Variants in FBN3 observed in about 807,000 individuals in gnomAD.
The protein encoded by FBN3 is fibrillin-3.
Under a neutral mutation model 330.1 loss-of-function variants are expected in FBN3, and 234 were observed. The observed-to-expected ratio is 0.71, with a 90% CI of 0.64 to 0.79. The LOEUF is 0.79. Among genes scored for constraint, FBN3 ranks in the 30% least tolerant of loss-of-function variants. The probability of loss-of-function intolerance (pLI) is 0.00; values close to 1 mark genes in which losing one functional copy is unlikely to be tolerated. For missense variants in FBN3, 3,606 were observed against 3,886.9 expected (o/e 0.93, Z 1.92); for synonymous variants, 1,458 against 1,517.3 (o/e 0.96, Z 0.91).
chr19:8,101,551 C>T (rs543628419), intron 40 of FBN3, among the ~76,000 whole-genome samples: 1 of 152,306 alleles, frequency 6.6e-6, no homozygotes, highest in East Asian at 1.9e-4. Flanking sequence ...CATCAGGGTC[C>T]CAATCTTGGC....
intron 10 of FBN3, among the ~76,000 whole-genome samples, chr19:8,137,391 C>G (rs1479381725): frequency 6.6e-6 from 1 of 151,664 alleles, no homozygotes; most frequent in African/African-American, 2.4e-5. Flanking sequence ...AACCTGGAGC[C>G]TAGATCCCTC....
At chr19:8,118,824 A>G in intron 26 of FBN3, 73 bp downstream of exon 26, 1 of 1,554,428 alleles carries the variant, frequency 6.4e-7, no homozygotes, top group Non-Finnish European at 8.8e-7. Flanking sequence ...TCCAGCCCAC[A>G]TTCACCAGAC....
intron 18 of FBN3, among the ~76,000 whole-genome samples, chr19:8,127,057 T>G (rs1234857740): frequency 9.1e-5 from 9 of 98,914 alleles, no homozygotes; most frequent in African/African-American, 3.4e-4. Context: ...TGTTTTTTTT[T>G]TGTTTTTTTT....
chr19:8,119,281 A>T (rs546459667), intron 25 of FBN3, among the ~76,000 whole-genome samples: 1 of 152,278 alleles, frequency 6.6e-6, no homozygotes, highest in Non-Finnish European at 1.5e-5. Context: ...TGGGGCCACT[A>T]GAAACGGCAC....
intron 47 of FBN3, among the ~76,000 whole-genome samples, chr19:8,093,432 G>A (rs1268768411): frequency 1.3e-5 from 2 of 152,056 alleles, no homozygotes; most frequent in African/African-American, 2.4e-5. Flanking sequence ...GAGCATCCTG[G>A]CTAACATGGT....
chr19:8,072,344 T>C, intron 62 of FBN3, 146 bp from the exon 63 acceptor site: 1 of 852,652 alleles, frequency 1.2e-6, no homozygotes, highest in Non-Finnish European at 1.8e-6. Flanking sequence ...CTGGTGTGGC[T>C]CCGTGTGCAC....
chr19:8,145,630 G>A (rs899471804), intron 5 of FBN3, among the ~76,000 whole-genome samples: 3 of 145,878 alleles, frequency 2.1e-5, no homozygotes, highest in African/African-American at 7.6e-5. Flanking sequence ...GCAGTAAGCC[G>A]AGATCTTGCC....
chr19:8,078,840 G>A (rs2081706616), intron 59 of FBN3, among the ~76,000 whole-genome samples: 2 of 150,126 alleles, frequency 1.3e-5, no homozygotes, highest in Admixed American at 1.3e-4. Context: ...GGACTGCAGT[G>A]GTATGAACAC....
In FBN3 at chr19:8,072,086, G is replaced by A. The variant is rs200333959; in HGVS notation, c.8050C>T (p.Arg2684Trp). 127 of 1,612,622 alleles carry A rather than the reference G, an allele frequency of 7.9e-5. No individual in the cohort carries two copies. Among genetic ancestry groups the A allele is most frequent in the East Asian group, 1.3e-4 (6 of 44,764 alleles). The change falls in exon 63 of 64, where the codon CGG becomes TGG. Residue 2684 changes from arginine to tryptophan, a missense_variant. Coordinates refer to ENST00000600128, the MANE Select transcript of FBN3 (RefSeq NM_032447.5). ...YECKINGLSP[R>W]DRPRRSAHRD... ...TGGGCACTGCGTCGTGGCCGGTCCC[G>A]AGGGGAGAGGCCATTGATCTTGCAT...
chr19:8,086,400 C>T (rs2144662719), intron 54 of FBN3, 75 bp from the exon 55 acceptor site: 2 of 1,078,782 alleles, frequency 1.9e-6, no homozygotes, highest in South Asian at 1.5e-5. Context: ...CCAAAGGGCC[C>T]CTTTGGATCT....
rs2081568688 is a variant in FBN3 at position 8,073,402 on chromosome 19, G to A, written c.7703-105C>T. On this transcript the variant is annotated intron_variant, in intron 61 of 63. Transcript: ENST00000600128. ...GGAATGCTGTATGTTCAGAGCCCAAGTCCAATGCCAAACTCTTCAGCAAGC... is the reference window on the plus strand; with the variant it reads ...GGAATGCTGTATGTTCAGAGCCCAAATCCAATGCCAAACTCTTCAGCAAGC... The A allele has an allele frequency of 3.3e-6, 3 of 914,080 alleles. No individual in the cohort carries two copies. In the Middle Eastern group the frequency reaches 8.5e-4, roughly 259 times the overall value. 56.6% of individuals were successfully genotyped at this position (914,080 alleles called of 1,614,324 possible). A position where few individuals can be genotyped will look rare whatever the true frequency, so the allele number is the denominator to read the frequency against.
chr19:8,144,916 C>T lies in FBN3; in HGVS notation c.502G>A (p.Ala168Thr), dbSNP rs1300476251. The T allele has an allele frequency of 3.1e-6, 5 of 1,612,288 alleles. No homozygotes were observed. The highest frequency in any genetic ancestry group is 3.3e-5 in the Admixed American group (2 of 59,780). Residue 168 changes from alanine to threonine, a missense_variant, in exon 6 of 64, where the codon GCC becomes ACC. Ala to Thr is a moderately conservative substitution (Grantham distance 58). Transcript: ENST00000600128. Reference protein sequence around the residue: ...GGRCIGPNRCACVYGFMGPQC... With the variant: ...GGRCIGPNRCTCVYGFMGPQC... ...GGTCCCATGAAGCCATACACACAGGCGCAGCGGTTGGGCCCAATGCAGCGA... is the reference window on the plus strand; with the variant it reads ...GGTCCCATGAAGCCATACACACAGGTGCAGCGGTTGGGCCCAATGCAGCGA...
At position 8,109,946 on chromosome 19, in the gene FBN3, C is replaced by A. The variant is rs2082539233; in HGVS notation, c.4334-193G>T. 6.6e-6 allele frequency among the ~76,000 whole-genome samples: 1 copy of A among 152,228 alleles called. No individual in the cohort carries two copies. The highest frequency in any genetic ancestry group is 1.5e-5 in the Non-Finnish European group (1 of 68,044). On this transcript the variant is annotated intron_variant, in intron 34 of 63. Coordinates refer to ENST00000600128, the MANE Select transcript of FBN3 (RefSeq NM_032447.5). The surrounding 1 kb of genome is among the most constrained non-coding windows in gnomAD (Gnocchi z 5.2). ...CTCCAGTCTGTCCTGTCCCCTCCAACCCCATTCCCTCTCCTGCTCTGTTCT... is the reference window on the plus strand; with the variant it reads ...CTCCAGTCTGTCCTGTCCCCTCCAAACCCATTCCCTCTCCTGCTCTGTTCT...
chr19:8,113,275 T>A (rs2082631125), intron 30 of FBN3, among the ~76,000 whole-genome samples: 2 of 152,088 alleles, frequency 1.3e-5, no homozygotes, highest in Admixed American at 1.3e-4. Context: ...AAACACTTTT[T>A]TTTCCCCCTG....
Position 8,103,569 on chromosome 19 carries a change from G to T in FBN3, c.4932C>A (p.Asn1644Lys), listed in dbSNP as rs756038046. 12 of 1,613,264 alleles carry T rather than the reference G, an allele frequency of 7.4e-6. No homozygotes were observed. In the South Asian group the frequency reaches 1.2e-4, roughly 16 times the overall value. Residue 1644 changes from asparagine (N) to lysine (K), a missense_variant, in exon 39 of 64, where the codon AAC becomes AAA. By Grantham distance (94) the Asn-to-Lys change is moderately conservative (BLOSUM62 0). Transcript: ENST00000600128. ...GGTCATCACGCTTCTTACCCATGCA[G>T]TTGTTGCCACCATTGACTTGGAGGT... ...AEYLQVNGGN[N>K]CMDMRKSVCF...
chr19:8,128,793 A>G (rs1449395037), intron 18 of FBN3, among the ~76,000 whole-genome samples: 2 of 152,212 alleles, frequency 1.3e-5, no homozygotes, highest in African/African-American at 4.8e-5. Context: ...GGTTGTGTAC[A>G]GGATGTTTCT....
Position 8,132,996 on chromosome 19 carries a change from G to A in FBN3, c.1702C>T (p.His568Tyr), listed in dbSNP as rs145225275. 7 of 1,563,136 alleles carry A rather than the reference G, an allele frequency of 4.5e-6. No individual in the cohort carries two copies. In the African/African-American group the frequency reaches 9.4e-5, roughly 21 times the overall value. Reference sequence around the variant, plus strand: ...GCTCCAGGCTCACCCATGCAGTAGTGGCCGCCAGGCGCCAGCAGGAAGCCG... The same window carrying A: ...GCTCCAGGCTCACCCATGCAGTAGTAGCCGCCAGGCGCCAGCAGGAAGCCG... Reference protein sequence around the residue: ...KPGFLLAPGGHYCMDIDECQT... With the variant: ...KPGFLLAPGGYYCMDIDECQT... Residue 568 changes from histidine to tyrosine, a missense_variant, in exon 14 of 64, where the codon CAC becomes TAC. His to Tyr is a moderately conservative substitution (Grantham distance 83). Transcript: ENST00000600128.
At chr19:8,139,010 T>A (rs1243391086) in intron 8 of FBN3, among the ~76,000 whole-genome samples, 1 of 151,390 alleles carries the variant, frequency 6.6e-6, no homozygotes, top group Non-Finnish European at 1.5e-5. Flanking sequence ...GCTGAGATCA[T>A]GCCACTGCAC....
rs748040206 is a variant in FBN3 at position 8,116,662 on chromosome 19, C to A, written c.3712+12G>T. 1 of 1,607,210 alleles carries A rather than the reference C, an allele frequency of 6.2e-7. No individual in the cohort carries two copies. The highest frequency in any genetic ancestry group is 8.5e-7 in the Non-Finnish European group (1 of 1,174,350). ...CCTCCACCCGCCCCGCCCCACCGTC[C>A]CGGCTCCTCACCAACACATGTCCTC... On this transcript the variant is annotated intron_variant, in intron 29 of 63. Transcript: ENST00000600128.
Sources: allele counts gnomAD v4.1 joint callset (sites outside exome capture counted in the v4.1 genomes callset), GRCh38; gene constraint gnomAD v4.1.1; non-coding constraint Gnocchi (gnomAD v3.1); transcripts MANE v1.5; gene names NCBI Gene and HGNC (gene_info 2026-07-23, HGNC 2026-07-21).